Variants in PON1 observed in about 807,000 individuals in gnomAD.
PON1 encodes serum paraoxonase/arylesterase 1.
A neutral mutation model predicts 39.2 loss-of-function variants in PON1; 37 were observed. The ratio of observed to expected loss-of-function variants is 0.94; its 90% CI spans 0.73 to 1.24. The LOEUF is 1.24. Ranked by LOEUF, PON1 falls within the 50% of genes most tolerant of loss-of-function variation. The pLI is 0.00. For missense variants in PON1, 397 were observed against 413.5 expected (o/e 0.96, Z 0.35); for synonymous variants, 148 against 152.2 (o/e 0.97, Z 0.21).
rs1003639150 is a variant in PON1 at position 95,308,011 on chromosome 7, T to C, written c.698A>G (p.Lys233Arg). Residue 233 changes from lysine (K) to arginine (R), a missense_variant and splice_region_variant, in exon 6 of 9, where the codon AAG becomes AGG. Coordinates refer to ENST00000222381, the MANE Select transcript of PON1 (RefSeq NM_000446.7). ...ANGINISPDG[K>R]YVYIAELLAH... ...ACTACATTTCAGAGAGTTCACATAC[T>C]TGCCATCGGGTGAAATGTTGATTCC... 1 of 1,612,976 alleles carries C rather than the reference T, an allele frequency of 6.2e-7. No individual in the cohort carries two copies. Among genetic ancestry groups the C allele is most frequent in the Non-Finnish European group, 8.5e-7 (1 of 1,178,948 alleles).
intron 5 of PON1, among the ~76,000 whole-genome samples, chr7:95,309,048 G>T (rs1246313538): frequency 6.6e-6 from 1 of 152,156 alleles, no homozygotes; most frequent in East Asian, 1.9e-4. Flanking sequence ...TATTGCAGAG[G>T]CGTCATGGCC....
At chr7:95,317,452 A>G (rs1282907887) in intron 2 of PON1, among the ~76,000 whole-genome samples, 1 of 152,016 alleles carries the variant, frequency 6.6e-6, no homozygotes, top group African/African-American at 2.4e-5. Context: ...ATTTGATATC[A>G]ATATCATATT....
chr7:95,324,272 G>A (rs1807963581), intron 1 of PON1, 130 bp downstream of exon 1: 4 of 818,110 alleles, frequency 4.9e-6, no homozygotes, highest in Non-Finnish European at 8.4e-6. Flanking sequence ...TGAAACCCCC[G>A]CAGAGTGTGC....
chr7:95,320,456 C>G (rs371890926), intron 1 of PON1, among the ~76,000 whole-genome samples: 4 of 152,202 alleles, frequency 2.6e-5, no homozygotes. Flanking sequence ...CATATCTCAA[C>G]AGGATAATCA....
Position 95,311,443 on chromosome 7 carries a change from C to T in PON1, c.497+8G>A. Reference sequence around the variant, plus strand: ...AAAGGAAAATAGAAATGTGATATATCTCAGTACTTAGGCAGAAGTTTATGT... The same window carrying T: ...AAAGGAAAATAGAAATGTGATATATTTCAGTACTTAGGCAGAAGTTTATGT... On this transcript the variant is annotated splice_region_variant and intron_variant, in intron 5 of 8. Transcript: ENST00000222381. 6.2e-7 allele frequency: 1 copy of T among 1,613,846 alleles called. No homozygotes were observed. Among genetic ancestry groups the T allele is most frequent in the East Asian group, 2.2e-5 (1 of 44,884 alleles).
Position 95,298,735 on chromosome 7 carries a change from C to G in PON1, c.*209G>C, listed in dbSNP as rs1161693993. On this transcript the variant is annotated 3_prime_UTR_variant, in exon 9 of 9. Coordinates refer to ENST00000222381, the MANE Select transcript of PON1 (RefSeq NM_000446.7). The stretch of plus-strand genomic sequence containing the variant: ...GGATTTTTATGGTAAATGAGGTTTT[C>G]AAGTATTCCAAGACTGATTTGATAG... 3 of 617,684 alleles carry G rather than the reference C, an allele frequency of 4.9e-6. No homozygotes were observed. The highest frequency in any genetic ancestry group is 8.6e-6 in the Non-Finnish European group (3 of 349,532). The allele number at this position is 617,684 out of a possible 1,614,324, so 38.3% of individuals were successfully genotyped here.
At chr7:95,314,871 GA>G (rs3917506) in intron 4 of PON1, among the ~76,000 whole-genome samples, 38,580 of 152,018 alleles carry the variant, frequency 0.25, 5,243 homozygotes, top group East Asian at 0.51. Context: ...CAGAACAGAG[GA>G]ACCAGCGGAC....
intron 5 of PON1, among the ~76,000 whole-genome samples, chr7:95,309,316 A>G (rs891197554): frequency 7.3e-6 from 1 of 136,820 alleles, no homozygotes; most frequent in Non-Finnish European, 1.5e-5. Flanking sequence ...TACAACATGA[A>G]AAAAAAAAAA....
At chr7:95,322,346 G>A (rs1444591177) in intron 1 of PON1, among the ~76,000 whole-genome samples, 8 of 136,176 alleles carry the variant, frequency 5.9e-5, no homozygotes, top group Non-Finnish European at 9.2e-5. Context: ...GTGTGTGTGT[G>A]TGTGTATATA....
chr7:95,314,078 G>T (rs773405045), intron 4 of PON1, among the ~76,000 whole-genome samples: 1 of 151,694 alleles, frequency 6.6e-6, no homozygotes, highest in Non-Finnish European at 1.5e-5. Context: ...GGTGAAGTAG[G>T]CTGGGCGCGG....
rs374185817 is a variant in PON1 at position 95,313,618 on chromosome 7, A to ATGTATGTGTGTGTG, written c.370+1703_370+1704insCACACACACATACA. ...TCCATTGAAAGGGATATATATGTATATGTGTGTGTGTGTGTGTGTGTGTGT... is the reference window on the plus strand; with the variant it reads ...TCCATTGAAAGGGATATATATGTATATGTATGTGTGTGTGTGTGTGTGTGTGTGTGTGTGTGTGT... On this transcript the variant is annotated intron_variant, in intron 4 of 8. Coordinates refer to ENST00000222381, the MANE Select transcript of PON1 (RefSeq NM_000446.7). 2.2e-3 allele frequency among the ~76,000 whole-genome samples: 331 copies of ATGTATGTGTGTGTG among 147,284 alleles called. 3 individuals carry two copies. Among genetic ancestry groups the ATGTATGTGTGTGTG allele is most frequent in the African/African-American group, 7.9e-3 (311 of 39,382 alleles).
chr7:95,300,688 A>G (rs1170298546), intron 8 of PON1, among the ~76,000 whole-genome samples: 1 of 152,206 alleles, frequency 6.6e-6, no homozygotes, highest in African/African-American at 2.4e-5. Context: ...ATTAGAAATG[A>G]AGTATTTTCT....
Position 95,299,069 on chromosome 7 carries a change from G to A in PON1, c.943C>T (p.Pro315Ser). Residue 315 changes from proline to serine, a missense_variant, in exon 9 of 9, where the codon CCT (proline) becomes TCT (serine). By Grantham distance (74) the Pro-to-Ser change is moderately conservative. Coordinates refer to ENST00000222381, the MANE Select transcript of PON1 (RefSeq NM_000446.7). ...LRIQNILTEE[P>S]KVTQVYAENG... ...TCTGCATAAACCTGTGTCACTTTAG[G>A]TTCTTCTGTTAGAATGTTCTGGATT... is the stretch of plus-strand genomic sequence containing the variant. 2 of 1,614,104 alleles carry A rather than the reference G, an allele frequency of 1.2e-6. No homozygotes were observed. The highest frequency in any genetic ancestry group is 1.7e-6 in the Non-Finnish European group (2 of 1,179,974).
At chr7:95,309,174 C>G (rs931015743) in intron 5 of PON1, among the ~76,000 whole-genome samples, 1 of 152,054 alleles carries the variant, frequency 6.6e-6, no homozygotes, top group Non-Finnish European at 1.5e-5. Context: ...TCATACAGCT[C>G]ATTAGTAGAA....
At chr7:95,310,489 T>C (rs141339501) in intron 5 of PON1, among the ~76,000 whole-genome samples, 19 of 152,292 alleles carry the variant, frequency 1.2e-4, no homozygotes, top group Admixed American at 1.1e-3. Flanking sequence ...CTTTTATTCA[T>C]CTTGATGGGG....
rs1191875633 is a variant in PON1 at position 95,311,524 on chromosome 7, C to G, written c.424G>C (p.Glu142Gln). 3.7e-6 allele frequency: 6 copies of G among 1,613,894 alleles called. No individual in the cohort carries two copies. The highest frequency in any genetic ancestry group is 5.1e-6 in the Non-Finnish European group (6 of 1,179,904). ...TCTTCTTCTTGAAATTTAAACAACTCCACTGTGGACTTGGCATCTGGATGG... is the reference window on the plus strand; with the variant it reads ...TCTTCTTCTTGAAATTTAAACAACTGCACTGTGGACTTGGCATCTGGATGG... ...VNHPDAKSTV[E>Q]LFKFQEEEKS... Residue 142 changes from glutamate to glutamine, a missense_variant, in exon 5 of 9, where the codon GAG becomes CAG. Physicochemically the swap from Glu to Gln is conservative, Grantham distance 29. Transcript: ENST00000222381.
intron 6 of PON1, 123 bp from the exon 7 acceptor site, chr7:95,306,489 C>T: frequency 1.3e-6 from 1 of 741,158 alleles, no homozygotes; most frequent in Non-Finnish European, 2.4e-6. Flanking sequence ...TGGAACCCAC[C>T]TCAAACACAC....
chr7:95,316,877 G>A (rs1019700815), intron 2 of PON1, 88 bp from the exon 3 acceptor site: 3 of 939,492 alleles, frequency 3.2e-6, no homozygotes, highest in African/African-American at 3.2e-5. Context: ...ACTTGAAACT[G>A]GGGCTATACA....
In PON1 at chr7:95,302,013, T is replaced by C. The variant is rs1180569463; in HGVS notation, c.909+192A>G. On this transcript the variant is annotated intron_variant, in intron 8 of 8. Transcript: ENST00000222381. The stretch of plus-strand genomic sequence containing the variant: ...TTGGGAGGCTGAGGCAGGAGAATGG[T>C]GTGAACCCGGGAGGCGGAGCTTGCA... 4.9e-5 allele frequency among the ~76,000 whole-genome samples: 7 copies of C among 142,136 alleles called. No individual in the cohort carries two copies. The South Asian group carries it at 6.7e-4, about 14-fold the overall frequency. The allele number at this position is 142,136 out of a possible 152,430, so 93.2% of individuals were successfully genotyped here.
Sources: allele counts gnomAD v4.1 joint callset (sites outside exome capture counted in the v4.1 genomes callset), GRCh38; gene constraint gnomAD v4.1.1; transcripts MANE v1.5; gene names NCBI Gene and HGNC (gene_info 2026-07-23, HGNC 2026-07-21).